The following ABCA12 variants were observed in gnomAD, a reference collection of about 807,000 sequenced individuals.
The protein encoded by ABCA12 is ATP binding cassette subfamily A member 12.
ABCA12 carries 156 observed loss-of-function variants against 293.5 expected under a neutral mutation model. The observed-to-expected ratio is 0.53, with a 90% CI of 0.47 to 0.61. ABCA12 has a LOEUF of 0.61. Among genes scored for constraint, ABCA12 ranks in the 20% least tolerant of loss-of-function variants. The pLI is 0.00. For synonymous variants in ABCA12, 1,063 were observed against 1,108.0 expected, an observed-to-expected ratio of 0.96 and a Z score of 0.81; for missense variants, 2,797 against 3,090.2, an observed-to-expected ratio of 0.91 and a Z score of 2.25.
chr2:214,987,244 C>T (rs1264239571), intron 27 of ABCA12, among the ~76,000 whole-genome samples: 1 of 152,174 alleles, frequency 6.6e-6, no homozygotes, highest in African/African-American at 2.4e-5. Context: ...ATCAGGAAGA[C>T]ACAAGCTTTG....
At chr2:214,982,166 G>C in intron 30 of ABCA12, 21 bp downstream of exon 30, 4 of 1,612,622 alleles carry the variant, frequency 2.5e-6, no homozygotes, top group Non-Finnish European at 3.4e-6. Context: ...GGGTGGAGAA[G>C]TTCTGAGAAA....
intron 8 of ABCA12, chr2:215,032,122 G>A (rs1700891904): frequency 7.2e-7 from 1 of 1,393,556 alleles, no homozygotes; most frequent in Non-Finnish European, 9.3e-7. Flanking sequence ...CGATGGTCAA[G>A]CATATGCATT....
intron 37 of ABCA12, among the ~76,000 whole-genome samples, chr2:214,969,719 T>C (rs571692258): frequency 6.6e-6 from 1 of 152,234 alleles, no homozygotes; most frequent in East Asian, 1.9e-4. Flanking sequence ...AATTATTTTT[T>C]ACAATGAATA....
intron 52 of ABCA12, among the ~76,000 whole-genome samples, chr2:214,933,734 T>C (rs1418316827): frequency 6.6e-6 from 1 of 152,200 alleles, no homozygotes; most frequent in African/African-American, 2.4e-5. Context: ...AGCCAATCAA[T>C]AGAAATGTTC....
intron 50 of ABCA12, 80 bp from the exon 51 acceptor site, chr2:214,937,695 G>A (rs1406372428): frequency 2.0e-6 from 2 of 1,002,000 alleles, no homozygotes; most frequent in Non-Finnish European, 1.6e-6. Flanking sequence ...TAATGAAACA[G>A]GACCCAAGCC....
chr2:214,965,439 AACAG>A (rs1212946582), intron 39 of ABCA12, among the ~76,000 whole-genome samples: 32 of 152,224 alleles, frequency 2.1e-4, no homozygotes, highest in Non-Finnish European at 7.3e-5. Flanking sequence ...CATCAGAGTG[AACAG>A]ACAACCTACA....
chr2:215,075,571 A>T (rs1478380522), intron 2 of ABCA12: 1 of 700,480 alleles, frequency 1.4e-6, no homozygotes. Context: ...AAAAAAAAAA[A>T]ATCTGGGCCA....
At chr2:214,952,524 C>A (rs916703012) in intron 44 of ABCA12, among the ~76,000 whole-genome samples, 5 of 152,060 alleles carry the variant, frequency 3.3e-5, no homozygotes, top group African/African-American at 1.2e-4. Flanking sequence ...CCTTATAACA[C>A]CCTATCGTGG....
intron 3 of ABCA12, among the ~76,000 whole-genome samples, chr2:215,056,717 A>T (rs10932587): frequency 0.19 from 29,476 of 152,058 alleles, 3,079 homozygotes; most frequent in East Asian, 0.4. Context: ...GTATGTGCAT[A>T]AAAAGATGAA....
Position 214,986,685 on chromosome 2 carries a change from T to C in ABCA12, c.4020A>G (p.Lys1340=). 1 of 1,614,150 alleles carries C rather than the reference T, an allele frequency of 6.2e-7. No individual in the cohort carries two copies. The highest frequency in any genetic ancestry group is 8.5e-7 in the Non-Finnish European group (1 of 1,179,986). The part of the protein sequence containing the change: ...MFSSNIEPEP[K]DLTVGVALHG... Reference sequence around the variant, plus strand: ...GCAGGGCAACCCCGACTGTGAGATCTTTAGGTTCAGGCTCGATGTTAGAGG... The same window carrying C: ...GCAGGGCAACCCCGACTGTGAGATCCTTAGGTTCAGGCTCGATGTTAGAGG... Residue 1340 remains lysine, a synonymous_variant, in exon 28 of 53, where the codon AAA becomes AAG. Coordinates refer to ENST00000272895, the MANE Select transcript of ABCA12 (RefSeq NM_173076.3).
At chr2:215,118,254 T>C (rs531504856) in intron 1 of ABCA12, among the ~76,000 whole-genome samples, 2 of 152,034 alleles carry the variant, frequency 1.3e-5, no homozygotes, top group South Asian at 2.1e-4. Context: ...ATACAAAAAT[T>C]AGCCGAGCAT....
rs996429347 is a variant in ABCA12, at chr2:214,945,568, T to C, written c.7240-464A>G. On this transcript the variant is annotated intron_variant, in intron 48 of 52. Transcript: ENST00000272895. ...GAGATATATTTTTAGTTTTCTGTTA[T>C]TAATTGAAATCTAACACTCCTTGGG... Among the ~76,000 whole-genome samples the C allele has an allele frequency of 2.0e-5, 3 of 152,214 alleles. No individual in the cohort carries two copies. The South Asian group carries it at 6.2e-4, about 31-fold the overall frequency.
rs1700390907 is a variant in ABCA12 at position 215,012,116 on chromosome 2, T to A, written c.1976A>T (p.Asp659Val). The A allele has an allele frequency of 1.2e-6, 2 of 1,613,874 alleles. No individual in the cohort carries two copies. Among genetic ancestry groups the A allele is most frequent in the Admixed American group, 1.7e-5 (1 of 60,008 alleles). Residue 659 changes from aspartate to valine, a missense_variant, in exon 16 of 53, where the codon GAT becomes GTT. By Grantham distance (152) the Asp-to-Val change is radical. This residue lies in a region of ABCA12 where 2,130 missense variants were observed against 2,427.0 expected (regional missense o/e 0.88). Transcript: ENST00000272895. ...FTYKVFFPRK[D>V]QKPVEKMMEL... is the part of the protein sequence containing the mutation. Reference sequence around the variant, plus strand: ...CATCATCTTTTCTACTGGCTTTTGATCTTTCCTCGGGAAAAACACCTAACA... The same window carrying A: ...CATCATCTTTTCTACTGGCTTTTGAACTTTCCTCGGGAAAAACACCTAACA...
chr2:214,971,576 A>G (rs1229407429), intron 36 of ABCA12, among the ~76,000 whole-genome samples: 5 of 152,192 alleles, frequency 3.3e-5, no homozygotes, highest in Admixed American at 1.3e-4. Context: ...TTTTATATTA[A>G]TGGAATAGTA....
chr2:215,064,753 A>G (rs1056543215), intron 2 of ABCA12, among the ~76,000 whole-genome samples: 15 of 151,524 alleles, frequency 9.9e-5, no homozygotes, highest in African/African-American at 3.6e-4. Flanking sequence ...TAAAAAATCC[A>G]AAAGATTGTA....
chr2:215,122,372 A>C (rs1220043805), intron 1 of ABCA12, among the ~76,000 whole-genome samples: 1 of 152,254 alleles, frequency 6.6e-6, no homozygotes, highest in Non-Finnish European at 1.5e-5. Flanking sequence ...TAAGTTGTGC[A>C]GGACCCAGTT....
At chr2:214,987,588 C>T in intron 27 of ABCA12, 59 bp downstream of exon 27, 2 of 1,570,106 alleles carry the variant, frequency 1.3e-6, no homozygotes, top group Non-Finnish European at 1.7e-6. Flanking sequence ...AACTACTAGT[C>T]ATGTAATTTC....
At position 214,987,555 on chromosome 2, in the gene ABCA12, G is replaced by T. The variant is rs1456313285; in HGVS notation, c.3976+92C>A. 4.8e-6 allele frequency: 7 copies of T among 1,448,620 alleles called. No individual in the cohort carries two copies. The African/African-American group carries it at 7.1e-5, about 15-fold the overall frequency. The allele number at this position is 1,448,620 out of a possible 1,614,324, so 89.7% of individuals were successfully genotyped here. A position where few individuals can be genotyped will look rare whatever the true frequency, so the allele number is the denominator to read the frequency against. On this transcript the variant is annotated intron_variant, in intron 27 of 52. Transcript: ENST00000272895. ...CCATGACTAAAAGGATGATAATTTT[G>T]CCATTTAGAAAAAAATAATTGAAAC...
chr2:215,082,088 A>G (rs1402400814), intron 2 of ABCA12, among the ~76,000 whole-genome samples: 1 of 121,142 alleles, frequency 8.3e-6, no homozygotes, highest in Non-Finnish European at 1.6e-5. Context: ...TCTGTTGGCC[A>G]GGCTAGAGTG....
Sources: gnomAD v4.1 joint callset for allele counts (sites outside exome capture counted in the v4.1 genomes callset) on GRCh38, gnomAD v4.1.1 for gene constraint, gnomAD v4.1.1 regional missense constraint, MANE v1.5 for transcripts, NCBI Gene and HGNC (gene_info 2026-07-23, HGNC 2026-07-21) for gene names.